PSMB3: variants seen among roughly 807,000 people sequenced by gnomAD.
The protein encoded by PSMB3 is proteasome 20S subunit beta 3.
In PSMB3, 5 loss-of-function variants were observed where a neutral mutation model predicts 23.3. That is an observed-to-expected ratio of 0.21 (90% CI 0.11 to 0.45). The LOEUF (loss-of-function observed/expected upper bound fraction) is 0.45, where lower values mean the gene tolerates loss of function less well. PSMB3 is among the 20% of genes least tolerant of loss of function. The pLI is 0.99. For missense variants in PSMB3, 192 were observed against 277.9 expected, an observed-to-expected ratio of 0.69 and a Z score of 2.20; for synonymous variants, 85 against 99.8, an observed-to-expected ratio of 0.85 and a Z score of 0.88.
intron 2 of PSMB3, among the ~76,000 whole-genome samples, 197 bp from the exon 3 acceptor site, chr17:38,755,686 G>A (rs887740675): frequency 2.5e-5 from 3 of 122,170 alleles, no homozygotes; most frequent in African/African-American, 1.2e-4. Context: ...ATATATATGT[G>A]TGTGTGTGTG....
chr17:38,755,682 ATGTGTGTG>A (rs67600372), intron 2 of PSMB3, among the ~76,000 whole-genome samples, 193 bp from the exon 3 acceptor site: 28 of 90,270 alleles, frequency 3.1e-4, no homozygotes, highest in Admixed American at 1.6e-3. Context: ...ATATATATAT[ATGTGTGTG>A]TGTGTGTGTG....
chr17:38,755,670 A>ATGTGTGTG (rs1303372813), intron 2 of PSMB3, among the ~76,000 whole-genome samples: 10 of 85,522 alleles, frequency 1.2e-4, no homozygotes, highest in Non-Finnish European at 1.5e-4. Flanking sequence ...ATATATATAT[A>ATGTGTGTG]TATATATATA....
intron 3 of PSMB3, 48 bp from the exon 4 acceptor site, chr17:38,760,383 C>T (rs1464953048): frequency 1.3e-5 from 21 of 1,592,534 alleles, no homozygotes; most frequent in Middle Eastern, 2.1e-4. Flanking sequence ...AACATGAAAG[C>T]GAGCGTTCTT....
chr17:38,759,637 C>T (rs7214135), intron 3 of PSMB3, among the ~76,000 whole-genome samples: 11,479 of 151,872 alleles, frequency 0.076, 534 homozygotes, highest in South Asian at 0.18. Context: ...CTCCGCCTCC[C>T]GGGTTCATGC....
intron 5 of PSMB3, among the ~76,000 whole-genome samples, chr17:38,763,014 C>G (rs771733638): frequency 6.6e-6 from 1 of 152,184 alleles, no homozygotes; most frequent in Non-Finnish European, 1.5e-5. Context: ...TCCTACATTG[C>G]AGGATAAGCA....
At chr17:38,754,427 GC>G (rs1271650714) in intron 2 of PSMB3, among the ~76,000 whole-genome samples, 71 of 152,234 alleles carry the variant, frequency 4.7e-4, no homozygotes, top group African/African-American at 1.5e-3. Flanking sequence ...CTGAAATTGT[GC>G]CACTGCACTC....
chr17:38,758,079 G>GT (rs1448805869), intron 3 of PSMB3, among the ~76,000 whole-genome samples: 1 of 152,168 alleles, frequency 6.6e-6, no homozygotes, highest in Non-Finnish European at 1.5e-5. Context: ...ACCATCTGAA[G>GT]TAACTTTTAC....
rs191284054 is a variant in PSMB3, at chr17:38,754,540, A to G, written c.188+1206A>G. ...TCTTAAAACTCCCTGAGTCTCAAGA[A>G]CATAACACTTACTGAGATCTCACCC... On this transcript the variant is annotated intron_variant, in intron 2 of 5. Transcript: ENST00000619426. 1.2e-3 allele frequency among the ~76,000 whole-genome samples: 187 copies of G among 152,292 alleles called. 1 individual carries two copies. Among genetic ancestry groups the G allele is most frequent in the African/African-American group, 4.1e-3 (170 of 41,556 alleles).
chr17:38,760,268 A>T (rs1338377285), intron 3 of PSMB3, 163 bp from the exon 4 acceptor site: 22 of 638,482 alleles, frequency 3.4e-5, no homozygotes, highest in Non-Finnish European at 8.0e-6. Context: ...AGCTGGCAGG[A>T]GAAGGGAGAG....
At chr17:38,762,375 A>G (rs1194363032) in intron 4 of PSMB3, 36 bp from the exon 5 acceptor site, 1 of 1,564,900 alleles carries the variant, frequency 6.4e-7, no homozygotes, top group Admixed American at 1.7e-5. Flanking sequence ...TCAGAGCCAG[A>G]GGCTGTGGTT....
intron 2 of PSMB3, 35 bp downstream of exon 2, chr17:38,753,369 T>C: frequency 6.3e-7 from 1 of 1,599,026 alleles, no homozygotes; most frequent in Non-Finnish European, 8.5e-7. Flanking sequence ...CACCCAGGCC[T>C]CTTCTTGGAC....
chr17:38,758,379 G>T (rs1054310571), intron 3 of PSMB3, among the ~76,000 whole-genome samples: 1 of 149,688 alleles, frequency 6.7e-6, no homozygotes, highest in East Asian at 2.0e-4. Context: ...TCACTCTTTC[G>T]CCCAGGCTGG....
intron 2 of PSMB3, among the ~76,000 whole-genome samples, chr17:38,754,363 G>A (rs757901895): frequency 3.9e-5 from 6 of 152,134 alleles, no homozygotes; most frequent in Admixed American, 6.5e-5. Flanking sequence ...CCAGCTACTC[G>A]GGAGGCTGAG....
At chr17:38,757,185 G>A (rs1567644227) in intron 3 of PSMB3, among the ~76,000 whole-genome samples, 1 of 150,560 alleles carries the variant, frequency 6.6e-6, no homozygotes, top group Non-Finnish European at 1.5e-5. Flanking sequence ...CCTGCAAAAA[G>A]TCTTATAAAG....
chr17:38,755,680 A>ATGTGTG (rs1368083790), intron 2 of PSMB3, among the ~76,000 whole-genome samples: 2 of 103,528 alleles, frequency 1.9e-5, no homozygotes, highest in African/African-American at 8.0e-5. Flanking sequence ...ATATATATAT[A>ATGTGTG]TATGTGTGTG....
At chr17:38,763,406 C>T (rs228282) in intron 5 of PSMB3, among the ~76,000 whole-genome samples, 1 of 151,686 alleles carries the variant, frequency 6.6e-6, no homozygotes. Context: ...TTACCACCGA[C>T]GGTTTTTTTT....
intron 4 of PSMB3, 69 bp from the exon 5 acceptor site, chr17:38,762,342 G>C: frequency 3.8e-6 from 5 of 1,315,860 alleles, no homozygotes; most frequent in Non-Finnish European, 5.4e-6. Context: ...CTAGAAAAAA[G>C]AGAGTTAAGG....
chr17:38,757,550 C>T (rs573462755), intron 3 of PSMB3, among the ~76,000 whole-genome samples: 10 of 151,852 alleles, frequency 6.6e-5, no homozygotes, highest in Non-Finnish European at 1.2e-4. Flanking sequence ...GGCGTGGTGG[C>T]TCATGCCTGT....
At chr17:38,757,034 ATTTTTTTTTT>A (rs35172699) in intron 3 of PSMB3, among the ~76,000 whole-genome samples, 3 of 65,694 alleles carry the variant, frequency 4.6e-5, no homozygotes, top group South Asian at 8.1e-4. Context: ...CACCTGGCTA[ATTTTTTTTTT>A]TTTTTTTTTT....
Sources: gnomAD v4.1 joint callset for allele counts (sites outside exome capture counted in the v4.1 genomes callset) on GRCh38, gnomAD v4.1.1 for gene constraint, MANE v1.5 for transcripts, NCBI Gene and HGNC (gene_info 2026-07-23, HGNC 2026-07-21) for gene names.